CFTR: variants seen among roughly 807,000 people sequenced by gnomAD.
CFTR encodes cystic fibrosis transmembrane conductance regulator.
A neutral mutation model predicts 171.6 loss-of-function variants in CFTR; 181 were observed. The observed-to-expected ratio is 1.05, with a 90% CI of 0.93 to 1.19. The LOEUF is 1.19. CFTR is among the 50% of genes most tolerant of loss of function. The pLI is 0.00. For missense variants in CFTR, 1,968 were observed against 1,734.7 expected (o/e 1.13, Z -2.39); for synonymous variants, 583 against 608.0 (o/e 0.96, Z 0.60).
chr7:117,650,891 C>T (rs1323593454), intron 23 of CFTR, among the ~76,000 whole-genome samples: 4 of 152,094 alleles, frequency 2.6e-5, no homozygotes, highest in African/African-American at 9.7e-5. Context: ...AAAAAATGGT[C>T]CACAAAGGAT....
intron 7 of CFTR, among the ~76,000 whole-genome samples, chr7:117,538,700 A>G (rs17449197): frequency 0.092 from 13,944 of 152,178 alleles, 824 homozygotes; most frequent in Non-Finnish European, 0.13. Context: ...TTTTCCTTCT[A>G]TAGAGGTAGA....
chr7:117,603,879 G>C (rs1792265648), intron 17 of CFTR, 97 bp downstream of exon 17: 1 of 1,318,444 alleles, frequency 7.6e-7, no homozygotes, highest in African/African-American at 1.4e-5. Context: ...CTTTTGCACA[G>C]AGGCATGTGC....
chr7:117,517,812 G>A (rs1437097734), intron 3 of CFTR, among the ~76,000 whole-genome samples: 1 of 144,096 alleles, frequency 6.9e-6, no homozygotes, highest in African/African-American at 2.6e-5. Flanking sequence ...GACTAGTGAT[G>A]ATGAGCTTCT....
At chr7:117,544,096 G>T (rs545268408) in intron 9 of CFTR, among the ~76,000 whole-genome samples, 1 of 152,060 alleles carries the variant, frequency 6.6e-6, no homozygotes, top group African/African-American at 2.4e-5. Flanking sequence ...AACTCCTCCT[G>T]ATTTAACCTC....
At chr7:117,642,260 A>G (rs1792927392) in intron 22 of CFTR, among the ~76,000 whole-genome samples, 178 bp from the exon 23 acceptor site, 1 of 152,200 alleles carries the variant, frequency 6.6e-6, no homozygotes, top group Non-Finnish European at 1.5e-5. Flanking sequence ...TTGTCTCCAT[A>G]TATCAACATT....
At chr7:117,484,478 A>G (rs931585918) in intron 1 of CFTR, among the ~76,000 whole-genome samples, 2 of 152,156 alleles carry the variant, frequency 1.3e-5, no homozygotes, top group African/African-American at 2.4e-5. Flanking sequence ...GTCTTGAACA[A>G]TGTTGTCTGA....
At position 117,652,065 on chromosome 7, in the gene CFTR, G is replaced by A. The variant is rs574480849; in HGVS notation, c.3874-777G>A. Among the ~76,000 whole-genome samples, 24 of 152,176 alleles carry A rather than the reference G, an allele frequency of 1.6e-4. No individual in the cohort carries two copies. The South Asian group carries it at 3.3e-3, about 21-fold the overall frequency. Reference sequence around the variant, plus strand: ...TAAGTATTATTATTGCTATTGCACCGGCATTCCCCAATGAGACAGTGATTT... The same window carrying A: ...TAAGTATTATTATTGCTATTGCACCAGCATTCCCCAATGAGACAGTGATTT... On this transcript the variant is annotated intron_variant, in intron 23 of 26. Coordinates refer to ENST00000003084, the MANE Select transcript of CFTR (RefSeq NM_000492.4).
intron 11 of CFTR, among the ~76,000 whole-genome samples, chr7:117,581,153 G>C (rs919008544): frequency 6.6e-6 from 1 of 152,116 alleles, no homozygotes; most frequent in Admixed American, 6.6e-5. Flanking sequence ...CCAAGATCTT[G>C]TCTGGGAATA....
chr7:117,543,915 A>G (rs1799097246), intron 9 of CFTR, among the ~76,000 whole-genome samples: 1 of 152,188 alleles, frequency 6.6e-6, no homozygotes, highest in Non-Finnish European at 1.5e-5. Flanking sequence ...TCTTAGTCAT[A>G]TCCTGAGTTT....
At position 117,667,468 on chromosome 7, in the gene CFTR, CT is replaced by C. The variant is rs965881072; in HGVS notation, c.*361del. ...TTGATCAGCTTATTGTCTAGTGAAA[CT>C]CGTTAATTTGTAGTGTTGGAGAAGA... On this transcript the variant is annotated 3_prime_UTR_variant, in exon 27 of 27. Transcript: ENST00000003084. 5.8e-6 allele frequency: 2 copies of C among 345,232 alleles called. No homozygotes were observed. Among genetic ancestry groups the C allele is most frequent in the African/African-American group, 4.3e-5 (2 of 46,768 alleles). The allele number at this position is 345,232 out of a possible 1,614,324, so 21.4% of individuals were successfully genotyped here. A position where few individuals can be genotyped will look rare whatever the true frequency, so the allele number is the denominator to read the frequency against.
chr7:117,530,819 A>G, intron 3 of CFTR, 80 bp from the exon 4 acceptor site: 2 of 954,924 alleles, frequency 2.1e-6, no homozygotes, highest in South Asian at 2.8e-5. Flanking sequence ...TCTAAAGATG[A>G]AAAGTCTTGT....
In CFTR at chr7:117,538,515, A is replaced by G. The variant is rs2299443; in HGVS notation, c.870-1585A>G. On this transcript the variant is annotated intron_variant, in intron 7 of 26. Coordinates refer to ENST00000003084, the MANE Select transcript of CFTR (RefSeq NM_000492.4). ...GCTCTAGTTAATATATTTCAACAAC[A>G]GTTCAACAAATTTAACATTTTTATA... 1.3e-4 allele frequency among the ~76,000 whole-genome samples: 20 copies of G among 152,234 alleles called. No individual in the cohort carries two copies. In the East Asian group the frequency reaches 3.9e-3, roughly 29 times the overall value.
chr7:117,480,026 T>C lies in CFTR; in HGVS notation c.-69T>C. The C allele has an allele frequency of 1.4e-6, 2 of 1,395,848 alleles. No homozygotes were observed. Among genetic ancestry groups the C allele is most frequent in the South Asian group, 1.2e-5 (1 of 86,808 alleles). The allele number at this position is 1,395,848 out of a possible 1,614,324, so 86.5% of individuals were successfully genotyped here. On this transcript the variant is annotated 5_prime_UTR_variant, in exon 1 of 27. Transcript: ENST00000003084. ...AGGGTTGAGCGGCAGGCACCCAGAG[T>C]AGTAGGTCTTTGGCATTAGGAGCTT...
intron 9 of CFTR, 121 bp from the exon 10 acceptor site, chr7:117,548,520 G>A (rs1799204244): frequency 1.3e-6 from 2 of 1,525,404 alleles, no homozygotes; most frequent in Admixed American, 2.0e-5. Flanking sequence ...CAGTGTAATG[G>A]ATCATGGGCC....
At chr7:117,594,716 G>A (rs1241975647) in intron 14 of CFTR, among the ~76,000 whole-genome samples, 1 of 152,026 alleles carries the variant, frequency 6.6e-6, no homozygotes, top group Non-Finnish European at 1.5e-5. Context: ...AAATTACGAT[G>A]TTTCTCATTT....
intron 3 of CFTR, among the ~76,000 whole-genome samples, chr7:117,530,302 G>A (rs898263863): frequency 6.6e-6 from 1 of 152,140 alleles, no homozygotes; most frequent in Non-Finnish European, 1.5e-5. Context: ...TAGTGCTGGT[G>A]TGCTCCTCCC....
intron 3 of CFTR, among the ~76,000 whole-genome samples, chr7:117,524,625 T>A (rs1042826715): frequency 8.5e-5 from 13 of 152,138 alleles, no homozygotes; most frequent in African/African-American, 3.1e-4. Context: ...AAAAAAGTTA[T>A]TTTGAAAAAA....
At chr7:117,565,970 T>G (rs1337975445) in intron 11 of CFTR, among the ~76,000 whole-genome samples, 1 of 152,174 alleles carries the variant, frequency 6.6e-6, no homozygotes, top group Non-Finnish European at 1.5e-5. Flanking sequence ...ACCTCCTGCT[T>G]TCCAGGTCTG....
intron 4 of CFTR, among the ~76,000 whole-genome samples, chr7:117,531,764 G>A (rs1187066139): frequency 6.6e-6 from 1 of 152,098 alleles, no homozygotes; most frequent in African/African-American, 2.4e-5. Context: ...ACAATTCAAG[G>A]TTGTTTCAAA....
Sources: allele counts gnomAD v4.1 joint callset (sites outside exome capture counted in the v4.1 genomes callset), GRCh38; gene constraint gnomAD v4.1.1; transcripts MANE v1.5; gene names NCBI Gene and HGNC (gene_info 2026-07-23, HGNC 2026-07-21).